Variants in DAB1 observed in about 807,000 individuals in gnomAD.
DAB1 encodes disabled homolog 1.
Under a neutral mutation model 64.6 loss-of-function variants are expected in DAB1, and 15 were observed. That is an observed-to-expected ratio of 0.23 (90% confidence interval 0.16 to 0.36). The LOEUF (loss-of-function observed/expected upper bound fraction) is 0.36. Among genes scored for constraint, DAB1 ranks in the 10% least tolerant of loss-of-function variants. DAB1 has a pLI of 1.00. For synonymous variants in DAB1, 235 were observed against 251.9 expected, an observed-to-expected ratio of 0.93 and a Z score of 0.64; for missense variants, 596 against 706.7, an observed-to-expected ratio of 0.84 and a Z score of 1.78.
chr1:57,110,732 T>C (rs1177778385), intron 4 of DAB1, among the ~76,000 whole-genome samples: 1 of 152,152 alleles, frequency 6.6e-6, no homozygotes, highest in Admixed American at 6.5e-5. Flanking sequence ...TTACATCTAT[T>C]GACTCCTTGC....
chr1:57,417,669 T>C (rs1392557998), intron 1 of DAB1, among the ~76,000 whole-genome samples: 4 of 152,174 alleles, frequency 2.6e-5, no homozygotes, highest in Non-Finnish European at 5.9e-5. Flanking sequence ...TTTTTGAACA[T>C]GGAACTTATT....
chr1:57,182,066 T>C (rs1348701345), intron 2 of DAB1, among the ~76,000 whole-genome samples: 1 of 152,110 alleles, frequency 6.6e-6, no homozygotes, highest in Non-Finnish European at 1.5e-5. Flanking sequence ...TTTGTATTTT[T>C]AATAGAGACG....
chr1:57,555,110 C>T (rs994629720), intron 7 of DAB1, among the ~76,000 whole-genome samples: 1 of 126,264 alleles, frequency 7.9e-6, no homozygotes, highest in African/African-American at 2.9e-5. Context: ...TCTCGGCTCA[C>T]TGTAACCTCC....
chr1:57,564,613 G>A (rs556664604), intron 7 of DAB1, among the ~76,000 whole-genome samples: 16 of 152,244 alleles, frequency 1.1e-4, no homozygotes, highest in South Asian at 2.1e-4. Context: ...TGAAAACCAT[G>A]GCACGAGAAC....
chr1:57,472,710 G>A (rs1005078417), intron 7 of DAB1, among the ~76,000 whole-genome samples: 1 of 152,048 alleles, frequency 6.6e-6, no homozygotes, highest in Non-Finnish European at 1.5e-5. Context: ...GCTCACCCAG[G>A]GAGCTTGGCT....
chr1:57,389,373 G>A (rs372529695), intron 1 of DAB1, among the ~76,000 whole-genome samples: 6 of 152,222 alleles, frequency 3.9e-5, no homozygotes, highest in South Asian at 2.1e-4. Context: ...TCTGCATGCC[G>A]TAGCCCCTGC....
chr1:57,763,780 T>C (rs1649189109), intron 6 of DAB1, among the ~76,000 whole-genome samples: 1 of 152,188 alleles, frequency 6.6e-6, no homozygotes, highest in Admixed American at 6.5e-5. Flanking sequence ...CTGAATCCCC[T>C]GTACAGTAAG....
chr1:58,252,931 CT>C (rs1660837719), intron 4 of DAB1, among the ~76,000 whole-genome samples: 1 of 152,198 alleles, frequency 6.6e-6, no homozygotes, highest in Admixed American at 6.5e-5. Context: ...TTCTCTCCAT[CT>C]TTTCCGAGCT....
At chr1:57,776,980 T>C (rs527696809) in intron 6 of DAB1, among the ~76,000 whole-genome samples, 2 of 151,976 alleles carry the variant, frequency 1.3e-5, no homozygotes, top group African/African-American at 4.8e-5. Context: ...TTAATGCTAC[T>C]TGTATTCTGT....
chr1:58,484,712 A>G (rs917754164), intron 3 of DAB1, among the ~76,000 whole-genome samples: 3 of 152,224 alleles, frequency 2.0e-5, no homozygotes, highest in African/African-American at 7.2e-5. Context: ...ATATCCAGAC[A>G]AAAGAATATT....
At chr1:57,250,176 A>G (rs182244434) in intron 2 of DAB1, among the ~76,000 whole-genome samples, 3 of 152,356 alleles carry the variant, frequency 2.0e-5, no homozygotes, top group Admixed American at 1.3e-4. Context: ...AAACCAGATC[A>G]GTGCCCTTGC....
intron 4 of DAB1, among the ~76,000 whole-genome samples, chr1:58,297,079 C>A (rs1002921651): frequency 6.6e-6 from 1 of 152,118 alleles, no homozygotes; most frequent in Non-Finnish European, 1.5e-5. Context: ...TCTCATTGTT[C>A]TTCTCAACAA....
chr1:57,644,180 T>C (rs1291801094), intron 7 of DAB1, among the ~76,000 whole-genome samples: 1 of 152,048 alleles, frequency 6.6e-6, no homozygotes, highest in Non-Finnish European at 1.5e-5. Flanking sequence ...ACTTACGGGG[T>C]TAATTTCATG....
chr1:57,663,912 C>T (rs572141614), intron 6 of DAB1, among the ~76,000 whole-genome samples: 34 of 152,142 alleles, frequency 2.2e-4, no homozygotes, highest in Non-Finnish European at 3.7e-4. Flanking sequence ...CAAATGCAAG[C>T]GAAAGTTGAT....
chr1:57,921,596 T>C (rs1018508969), intron 5 of DAB1, among the ~76,000 whole-genome samples: 4 of 152,038 alleles, frequency 2.6e-5, no homozygotes, highest in Non-Finnish European at 4.4e-5. Context: ...TCTGCTGTAC[T>C]TTTGACATAG....
intron 7 of DAB1, among the ~76,000 whole-genome samples, chr1:57,447,792 A>G (rs1283125537): frequency 6.6e-6 from 1 of 152,158 alleles, no homozygotes; most frequent in Non-Finnish European, 1.5e-5. Context: ...ATCAGCAGCC[A>G]GCCAGGCAGG....
chr1:58,040,445 A>G (rs576517083), intron 5 of DAB1, among the ~76,000 whole-genome samples: 2 of 152,316 alleles, frequency 1.3e-5, no homozygotes, highest in Admixed American at 6.5e-5. Flanking sequence ...AAGACGCAGC[A>G]GAAATCTCTG....
At chr1:57,295,121 G>A (rs1386537123) in intron 1 of DAB1, among the ~76,000 whole-genome samples, 2 of 152,106 alleles carry the variant, frequency 1.3e-5, no homozygotes, top group African/African-American at 4.8e-5. Flanking sequence ...GGTCTTCTTT[G>A]GAGTGATGAA....
At chr1:57,251,150 AG>A in intron 2 of DAB1, among the ~76,000 whole-genome samples, 1 of 152,368 alleles carries the variant, frequency 6.6e-6, no homozygotes, top group Non-Finnish European at 1.5e-5. Flanking sequence ...CTGGGCCACC[AG>A]AAATGCTACC....
Sources: allele counts gnomAD v4.1 joint callset (sites outside exome capture counted in the v4.1 genomes callset), GRCh38; gene constraint gnomAD v4.1.1; transcripts MANE v1.5; gene names NCBI Gene and HGNC (gene_info 2026-07-23, HGNC 2026-07-21).